LCA5: variants seen among roughly 807,000 people sequenced by gnomAD.
LCA5 encodes lebercilin LCA5, also known as lebercilin.
In LCA5, 37 loss-of-function variants were observed where a neutral mutation model predicts 53.0. That is an observed-to-expected ratio of 0.70 (90% CI 0.54 to 0.92). The LOEUF is 0.92. Among genes scored for constraint, LCA5 ranks in the 40% least tolerant of loss-of-function variants. LCA5 has a pLI of 0.00. For missense variants in LCA5, 806 were observed against 790.5 expected, an observed-to-expected ratio of 1.02 and a Z score of -0.23; for synonymous variants, 303 against 282.9, an observed-to-expected ratio of 1.07 and a Z score of -0.71.
intron 3 of LCA5, among the ~76,000 whole-genome samples, chr6:79,504,611 T>C (rs1416249772): frequency 6.6e-6 from 1 of 152,184 alleles, no homozygotes; most frequent in African/African-American, 2.4e-5. Context: ...ACAGTCTGTT[T>C]ACATATCCAG....
In LCA5 at chr6:79,513,735, C is replaced by G. The variant is rs35338066; in HGVS notation, c.197G>C (p.Arg66Pro). ...SDGQVHHQAP[R>P]KPSPKGLPNR... ...TGGTAGACCCTTAGGGCTTGGTTTC[C>G]GAGGGGCTAAAAAAGAAACAGGAAT... is the stretch of plus-strand genomic sequence containing the variant. Residue 66 changes from arginine to proline, a missense_variant, in exon 3 of 8, where the codon CGG becomes CCG. By Grantham distance (103) the Arg-to-Pro change is moderately radical. Transcript: ENST00000369846. 1 of 1,613,248 alleles carries G rather than the reference C, an allele frequency of 6.2e-7. No individual in the cohort carries two copies. Among genetic ancestry groups the G allele is most frequent in the Non-Finnish European group, 8.5e-7 (1 of 1,179,554 alleles).
At chr6:79,538,027 T>G (rs889109968), upstream of LCA5, among the ~76,000 whole-genome samples, 26 of 87,004 alleles carry the variant, frequency 3.0e-4, 1 homozygote, top group East Asian at 4.4e-3. Flanking sequence ...AGTTTTTTTT[T>G]TTTTTTTTTT....
rs1459314335 is a variant in LCA5 at position 79,485,164 on chromosome 6, T to C, written c.*1840A>G. 1 of 152,574 alleles carries C rather than the reference T, an allele frequency of 6.6e-6. No individual in the cohort carries two copies. Among genetic ancestry groups the C allele is most frequent in the Non-Finnish European group, 1.5e-5 (1 of 68,010 alleles). The allele number at this position is 152,574 out of a possible 1,614,324, so 9.5% of individuals were successfully genotyped here. A position where few individuals can be genotyped will look rare whatever the true frequency, so the allele number is the denominator to read the frequency against. ...AATGCCTTTAAATCTGTAACTTAAC[T>C]TTAGGTTTAATTTTAATAATTCTGT... On this transcript the variant is annotated 3_prime_UTR_variant, in exon 8 of 8. Coordinates refer to ENST00000369846, the MANE Select transcript of LCA5 (RefSeq NM_001122769.3).
intron 7 of LCA5, chr6:79,488,404 C>A (rs7750626): frequency 0.075 from 11,499 of 152,760 alleles, 419 homozygotes; most frequent in Middle Eastern, 0.1. Context: ...CTCTCTCTCT[C>A]TATATATATA....
chr6:79,492,672 A>C (rs1291374142), intron 4 of LCA5, 25 bp from the exon 5 acceptor site: 16 of 1,180,800 alleles, frequency 1.4e-5, no homozygotes, highest in Non-Finnish European at 2.0e-5. Flanking sequence ...AATACAATTA[A>C]GGAAGTAGAG....
intron 3 of LCA5, among the ~76,000 whole-genome samples, chr6:79,506,302 A>G (rs576140128): frequency 4.6e-5 from 7 of 152,338 alleles, no homozygotes; most frequent in East Asian, 1.9e-4. Context: ...CCTACAGTTT[A>G]CTAAGGTCCT....
At chr6:79,532,795 A>C (rs9352745) in intron 1 of LCA5, among the ~76,000 whole-genome samples, 49,325 of 151,906 alleles carry the variant, frequency 0.32, 9,030 homozygotes, top group East Asian at 0.81. Context: ...TGTCTTACTT[A>C]TCCTAGTAAA....
intron 3 of LCA5, among the ~76,000 whole-genome samples, chr6:79,494,729 A>G (rs1042948983): frequency 6.6e-6 from 1 of 152,312 alleles, no homozygotes; most frequent in East Asian, 1.9e-4. Context: ...ATAGTATCGT[A>G]CTTTACAGAT....
At chr6:79,501,349 G>A (rs770066227) in intron 3 of LCA5, among the ~76,000 whole-genome samples, 2 of 151,972 alleles carry the variant, frequency 1.3e-5, no homozygotes, top group African/African-American at 4.8e-5. Flanking sequence ...AGTGCCAAAT[G>A]TTGCAAATAA....
rs965780823 is a variant in LCA5, at chr6:79,495,187, CTCT to C, written c.721-1440_721-1438del. 9.4e-4 allele frequency among the ~76,000 whole-genome samples: 143 copies of C among 152,194 alleles called. 1 individual carries two copies. The highest frequency in any genetic ancestry group is 3.3e-3 in the African/African-American group (136 of 41,440). The stretch of plus-strand genomic sequence containing the variant: ...GTGCCTGCGAGGGTTCTAAGTTGTG[CTCT>C]TCTTATGAGAATCTAATGCCTGATC... On this transcript the variant is annotated intron_variant, in intron 3 of 7. Coordinates refer to ENST00000369846, the MANE Select transcript of LCA5 (RefSeq NM_001122769.3).
At chr6:79,492,125 T>C (rs1158065071) in intron 5 of LCA5, among the ~76,000 whole-genome samples, 1 of 151,958 alleles carries the variant, frequency 6.6e-6, no homozygotes, top group Non-Finnish European at 1.5e-5. Flanking sequence ...AAAATATTTA[T>C]AGGTGAAATC....
chr6:79,489,422 A>C (rs188547701), intron 6 of LCA5, among the ~76,000 whole-genome samples: 126 of 152,264 alleles, frequency 8.3e-4, no homozygotes, highest in Middle Eastern at 3.4e-3. Flanking sequence ...AATTGTAAAG[A>C]AGCATTCATA....
intron 2 of LCA5, among the ~76,000 whole-genome samples, chr6:79,516,731 T>A (rs1456941873): frequency 6.6e-6 from 1 of 151,976 alleles, no homozygotes; most frequent in East Asian, 1.9e-4. Context: ...TATATCATTC[T>A]TCATCTCTCC....
chr6:79,523,792 C>A (rs980391510), intron 1 of LCA5, among the ~76,000 whole-genome samples: 1 of 152,016 alleles, frequency 6.6e-6, no homozygotes, highest in Admixed American at 6.6e-5. Flanking sequence ...TCTCTCCCTG[C>A]CCCCCCTCAA....
intron 1 of LCA5, among the ~76,000 whole-genome samples, chr6:79,527,640 T>C (rs1280046337): frequency 2.6e-5 from 4 of 152,178 alleles, no homozygotes; most frequent in Non-Finnish European, 4.4e-5. Flanking sequence ...GGTGGGTAAC[T>C]CCGAGCTGGA....
At chr6:79,527,259 G>C (rs796307263) in intron 1 of LCA5, among the ~76,000 whole-genome samples, 15 of 152,136 alleles carry the variant, frequency 9.9e-5, no homozygotes, top group African/African-American at 3.6e-4. Context: ...GTCACCTAAG[G>C]AACCCTTAAA....
intron 5 of LCA5, 152 bp from the exon 6 acceptor site, chr6:79,491,882 T>A (rs1769855229): frequency 1.5e-6 from 1 of 664,816 alleles, no homozygotes; most frequent in Admixed American, 2.4e-5. Flanking sequence ...AATATATATA[T>A]TCACCTATAT....
At chr6:79,521,363 G>A (rs894597733) in intron 1 of LCA5, among the ~76,000 whole-genome samples, 30 of 152,172 alleles carry the variant, frequency 2.0e-4, no homozygotes, top group African/African-American at 6.7e-4. Flanking sequence ...TAACCAGTTC[G>A]AATGACTTTA....
chr6:79,531,997 A>G (rs530482356), intron 1 of LCA5, among the ~76,000 whole-genome samples: 1 of 152,256 alleles, frequency 6.6e-6, no homozygotes, highest in East Asian at 1.9e-4. Flanking sequence ...TCTAAAAATC[A>G]TTTCAAATTT....
Sources: gnomAD v4.1 joint callset for allele counts (sites outside exome capture counted in the v4.1 genomes callset) on GRCh38, gnomAD v4.1.1 for gene constraint, MANE v1.5 for transcripts, NCBI Gene and HGNC (gene_info 2026-07-23, HGNC 2026-07-21) for gene names.